Variants in MYO9A observed in about 807,000 individuals in gnomAD.
MYO9A encodes myosin IXA.
Under a neutral mutation model 293.3 loss-of-function variants are expected in MYO9A, and 103 were observed. The ratio of observed to expected loss-of-function variants is 0.35; its 90% CI spans 0.30 to 0.41. The LOEUF (loss-of-function observed/expected upper bound fraction) is 0.41, where lower values mean the gene tolerates loss of function less well. MYO9A is among the 10% of genes least tolerant of loss of function. MYO9A has a pLI of 1.00. For missense variants in MYO9A, 2,685 were observed against 3,033.0 expected, an observed-to-expected ratio of 0.89 and a Z score of 2.69; for synonymous variants, 1,001 against 1,035.7, an observed-to-expected ratio of 0.97 and a Z score of 0.64.
At chr15:71,990,185 G>A (rs2076503900) in intron 11 of MYO9A, among the ~76,000 whole-genome samples, 1 of 151,080 alleles carries the variant, frequency 6.6e-6, no homozygotes, top group Non-Finnish European at 1.5e-5. Context: ...CCCAGGCTCA[G>A]GTGATCCTCC....
chr15:72,097,108 C>T (rs1476363879), intron 1 of MYO9A, among the ~76,000 whole-genome samples: 2 of 152,130 alleles, frequency 1.3e-5, no homozygotes, highest in African/African-American at 4.8e-5. Context: ...AAAGCAGCTG[C>T]AGGGTTTGAG....
chr15:71,886,908 T>C (rs938726194), intron 27 of MYO9A, among the ~76,000 whole-genome samples: 6 of 152,142 alleles, frequency 3.9e-5, no homozygotes, highest in Admixed American at 3.9e-4. Flanking sequence ...TGGATTACCT[T>C]AGATTATACC....
intron 32 of MYO9A, among the ~76,000 whole-genome samples, chr15:71,869,432 T>C (rs138215300): frequency 1.6e-3 from 249 of 152,302 alleles, no homozygotes; most frequent in East Asian, 8.7e-3. Flanking sequence ...AACTGACCTA[T>C]GTTCTTCAAC....
chr15:71,996,083 G>A (rs971015172), intron 9 of MYO9A, among the ~76,000 whole-genome samples: 9 of 152,076 alleles, frequency 5.9e-5, no homozygotes, highest in African/African-American at 2.2e-4. Context: ...TGTGCATAAG[G>A]TGAACCAACT....
At chr15:72,034,010 G>A (rs2077960500) in intron 2 of MYO9A, among the ~76,000 whole-genome samples, 2 of 152,092 alleles carry the variant, frequency 1.3e-5, no homozygotes, top group Non-Finnish European at 2.9e-5. Flanking sequence ...CTCCCTAAAT[G>A]CAAAGCTGTT....
chr15:71,873,204 C>T (rs2056575125), intron 32 of MYO9A, among the ~76,000 whole-genome samples: 1 of 152,106 alleles, frequency 6.6e-6, no homozygotes, highest in Non-Finnish European at 1.5e-5. Context: ...CAAGTGTGAA[C>T]CACCGCGCCT....
In MYO9A at chr15:71,935,430, T is replaced by G; in HGVS notation, c.2433A>C (p.Leu811=). The G allele has an allele frequency of 6.2e-7, 1 of 1,613,762 alleles. No individual in the cohort carries two copies. Among genetic ancestry groups the G allele is most frequent in the Non-Finnish European group, 8.5e-7 (1 of 1,179,726 alleles). The change falls in exon 17 of 42, where the codon CTA becomes CTC. Residue 811 remains leucine, a synonymous_variant. Transcript: ENST00000356056. The part of the protein sequence containing the change: ...NGRTGIRQSR[L]SSGTSLLDKD... The stretch of plus-strand genomic sequence containing the variant: ...TATCAAGCAAGGAGGTGCCACTTGA[T>G]AGTCTGCTCTGGCGAATCCCAGTTC...
At chr15:71,991,784 C>T (rs1490555995) in intron 10 of MYO9A, among the ~76,000 whole-genome samples, 4 of 152,166 alleles carry the variant, frequency 2.6e-5, no homozygotes, top group Non-Finnish European at 5.9e-5. Flanking sequence ...GACGGAGTCT[C>T]GATCTGTCGC....
At chr15:72,031,521 C>T (rs901107397) in intron 3 of MYO9A, among the ~76,000 whole-genome samples, 7 of 151,966 alleles carry the variant, frequency 4.6e-5, no homozygotes, top group Non-Finnish European at 1.0e-4. Context: ...ACAATTATAA[C>T]AATACACTGT....
rs115112308 is a variant in MYO9A at position 72,029,025 on chromosome 15, C to A, written c.936-1232G>T. On this transcript the variant is annotated intron_variant, in intron 3 of 41. Transcript: ENST00000356056. Reference sequence around the variant, plus strand: ...CAATGACCAGGATATTATGCGTACACAAAGAGAGACACCTGAGATTCAATC... The same window carrying A: ...CAATGACCAGGATATTATGCGTACAAAAAGAGAGACACCTGAGATTCAATC... Among the ~76,000 whole-genome samples the A allele has an allele frequency of 5.5e-3, 839 of 152,188 alleles. 12 individuals carry two copies. The highest frequency in any genetic ancestry group is 0.018 in the African/African-American group (768 of 41,524).
chr15:72,077,749 AAAAATATAT>A (rs1371199119), intron 1 of MYO9A, among the ~76,000 whole-genome samples: 1,432 of 33,076 alleles, frequency 0.043, 6 homozygotes, highest in Non-Finnish European at 0.075. Context: ...AAAAAAAAAA[AAAAATATAT>A]ATATATATAT....
Position 71,933,653 on chromosome 15 carries a change from G to T in MYO9A, c.2562+17C>A, listed in dbSNP as rs1297948983. On this transcript the variant is annotated intron_variant, in intron 18 of 41. Coordinates refer to ENST00000356056, the MANE Select transcript of MYO9A (RefSeq NM_006901.4). ...GTAGCAGAATACCAATACAAAAAAA[G>T]TTTTCATAGTACTCACCTTTGGAAG... 4.4e-6 allele frequency: 7 copies of T among 1,590,542 alleles called. No homozygotes were observed. In the Admixed American group the frequency reaches 1.2e-4, roughly 27 times the overall value.
chr15:71,943,070 A>G (rs1486477288), intron 15 of MYO9A, among the ~76,000 whole-genome samples: 1 of 151,992 alleles, frequency 6.6e-6, no homozygotes, highest in Non-Finnish European at 1.5e-5. Flanking sequence ...ACTACTGAAA[A>G]ATTCATTGAG....
chr15:72,056,137 A>G (rs1254814007), intron 1 of MYO9A, among the ~76,000 whole-genome samples: 1 of 152,228 alleles, frequency 6.6e-6, no homozygotes, highest in Non-Finnish European at 1.5e-5. Flanking sequence ...CTGAGGCACA[A>G]GAATCACTTG....
At chr15:72,001,919 GA>G (rs989646811) in intron 8 of MYO9A, among the ~76,000 whole-genome samples, 3 of 151,798 alleles carry the variant, frequency 2.0e-5, no homozygotes, top group South Asian at 2.1e-4. Context: ...ACAAAGCTAA[GA>G]AAAAAAATGT....
rs2054344609 is a variant in MYO9A at position 71,823,317 on chromosome 15, G to GT, written c.*3262dup. On this transcript the variant is annotated 3_prime_UTR_variant, in exon 42 of 42. Coordinates refer to ENST00000356056, the MANE Select transcript of MYO9A (RefSeq NM_006901.4). ...TTTCAGCACATTTCTGTGACCCTCT[G>GT]TTTTTGATGGAGAAAACAACGCTAC... The GT allele has an allele frequency of 6.6e-6, 1 of 152,204 alleles. No individual in the cohort carries two copies. Among genetic ancestry groups the GT allele is most frequent in the Admixed American group, 6.5e-5 (1 of 15,274 alleles). The allele number at this position is 152,204 out of a possible 1,614,324, so 9.4% of individuals were successfully genotyped here. A position where few individuals can be genotyped will look rare whatever the true frequency, so the allele number is the denominator to read the frequency against.
Position 71,827,924 on chromosome 15 carries a change from A to G in MYO9A, c.7143T>C (p.Asn2381=). ...ASIGTADSSE[N]LNMESEYAIS... is the part of the protein sequence containing the mutation. The stretch of plus-strand genomic sequence containing the variant: ...TAGCATATTCAGACTCCATATTCAA[A>G]TTCTCTGAGCTATCAGCAGTCCCAA... The change falls in exon 41 of 42, where the codon AAT becomes AAC. Residue 2381 remains asparagine (N), a synonymous_variant. Transcript: ENST00000356056. 6.2e-7 allele frequency: 1 copy of G among 1,613,830 alleles called. No individual in the cohort carries two copies.
At chr15:71,995,749 G>C (rs955164513) in intron 9 of MYO9A, among the ~76,000 whole-genome samples, 2 of 152,178 alleles carry the variant, frequency 1.3e-5, no homozygotes, top group East Asian at 1.9e-4. Flanking sequence ...TTAAGAACTA[G>C]AGTATCTTCC....
chr15:71,826,289 T>G lies in MYO9A; in HGVS notation c.*291A>C. 2 of 312,316 alleles carry G rather than the reference T, an allele frequency of 6.4e-6. No homozygotes were observed. The highest frequency in any genetic ancestry group is 1.2e-5 in the Non-Finnish European group (2 of 170,922). The allele number at this position is 312,316 out of a possible 1,614,324, so 19.3% of individuals were successfully genotyped here. A position where few individuals can be genotyped will look rare whatever the true frequency, so the allele number is the denominator to read the frequency against. ...CCACCTTTGGGAAGGGAAAAGAGGG[T>G]GGGGGAGAGGCAACTACAACTGACC... On this transcript the variant is annotated 3_prime_UTR_variant, in exon 42 of 42. Transcript: ENST00000356056.
Sources: allele counts gnomAD v4.1 joint callset (sites outside exome capture counted in the v4.1 genomes callset), GRCh38; gene constraint gnomAD v4.1.1; transcripts MANE v1.5; gene names NCBI Gene and HGNC (gene_info 2026-07-23, HGNC 2026-07-21).